GMEB1: variants seen among roughly 807,000 people sequenced by gnomAD.
The protein encoded by GMEB1 is glucocorticoid modulatory element-binding protein 1.
Under a neutral mutation model 52.4 loss-of-function variants are expected in GMEB1, and 6 were observed. The observed-to-expected ratio is 0.11, with a 90% CI of 0.06 to 0.23. GMEB1 has a LOEUF of 0.23. Among genes scored for constraint, GMEB1 ranks in the 10% least tolerant of loss-of-function variants. The pLI is 1.00. For missense variants in GMEB1, 486 were observed against 685.6 expected (o/e 0.71, Z 3.25); for synonymous variants, 255 against 244.9 (o/e 1.04, Z -0.38).
At chr1:28,675,505 C>G (rs940535597) in intron 1 of GMEB1, among the ~76,000 whole-genome samples, 1 of 151,580 alleles carries the variant, frequency 6.6e-6, no homozygotes, top group African/African-American at 2.4e-5. Flanking sequence ...CGTGGTGAAA[C>G]CCCGTCACTA....
chr1:28,709,478 G>A (rs1670944794), intron 8 of GMEB1, among the ~76,000 whole-genome samples: 1 of 151,942 alleles, frequency 6.6e-6, no homozygotes, highest in Non-Finnish European at 1.5e-5. Flanking sequence ...TGCACATATG[G>A]GAAATAGCAA....
At chr1:28,673,211 A>G (rs1668983464) in intron 1 of GMEB1, among the ~76,000 whole-genome samples, 1 of 147,136 alleles carries the variant, frequency 6.8e-6, no homozygotes, top group African/African-American at 2.5e-5. Flanking sequence ...CTCCTTTTTC[A>G]TTACTAGTTC....
chr1:28,701,339 G>C (rs1570423891), intron 6 of GMEB1, among the ~76,000 whole-genome samples: 1 of 145,946 alleles, frequency 6.9e-6, no homozygotes, highest in African/African-American at 2.6e-5. Context: ...GCGCGATCTC[G>C]GCTCACTGCA....
At chr1:28,691,825 T>TTTA in intron 4 of GMEB1, 116 bp downstream of exon 4, 1 of 197,626 alleles carries the variant, frequency 5.1e-6, no homozygotes, top group Non-Finnish European at 9.7e-6. Context: ...TATTTATTTA[T>TTTA]TTATTTATTT....
intron 2 of GMEB1, among the ~76,000 whole-genome samples, chr1:28,689,304 G>C (rs1026129120): frequency 6.6e-6 from 1 of 152,044 alleles, no homozygotes; most frequent in Non-Finnish European, 1.5e-5. Flanking sequence ...GGAATTACAG[G>C]TGTGAGCCAC....
chr1:28,673,525 G>A (rs1055840043), intron 1 of GMEB1, among the ~76,000 whole-genome samples: 3 of 152,104 alleles, frequency 2.0e-5, no homozygotes, highest in Admixed American at 6.6e-5. Flanking sequence ...AAAGTGCTGG[G>A]ATTACAGGCG....
At chr1:28,712,703 C>A (rs1473835682) in intron 9 of GMEB1, among the ~76,000 whole-genome samples, 1 of 152,050 alleles carries the variant, frequency 6.6e-6, no homozygotes, top group Non-Finnish European at 1.5e-5. Flanking sequence ...CCTGTAGTCC[C>A]ATCTACTCGG....
At position 28,716,350 on chromosome 1, in the gene GMEB1, G is replaced by A. The variant is rs1329242968; in HGVS notation, c.*1577G>A. On this transcript the variant is annotated 3_prime_UTR_variant, in exon 10 of 10. Coordinates refer to ENST00000373816, the MANE Select transcript of GMEB1 (RefSeq NM_001319674.2). ...AGCAGGGAGTTCCTCAATGAAACCAGCTGCCTTTTTTGGTGGGGCCATTTT... is the reference window on the plus strand; with the variant it reads ...AGCAGGGAGTTCCTCAATGAAACCAACTGCCTTTTTTGGTGGGGCCATTTT... 6.6e-6 allele frequency: 1 copy of A among 152,118 alleles called. No homozygotes were observed. Among genetic ancestry groups the A allele is most frequent in the Non-Finnish European group, 1.5e-5 (1 of 68,036 alleles). 9.4% of individuals were successfully genotyped at this position (152,118 alleles called of 1,614,324 possible).
At chr1:28,699,291 T>C (rs966025140) in intron 6 of GMEB1, among the ~76,000 whole-genome samples, 1 of 152,182 alleles carries the variant, frequency 6.6e-6, no homozygotes, top group African/African-American at 2.4e-5. Flanking sequence ...AGGATTTAGT[T>C]AGTCCAGCTG....
intron 1 of GMEB1, among the ~76,000 whole-genome samples, chr1:28,671,063 A>C (rs1310786914): frequency 2.0e-5 from 3 of 151,802 alleles, no homozygotes; most frequent in Non-Finnish European, 2.9e-5. Context: ...TTAGAATTTC[A>C]CCTCCTCTGG....
intron 1 of GMEB1, among the ~76,000 whole-genome samples, chr1:28,669,844 T>A (rs961827772): frequency 6.6e-6 from 1 of 152,026 alleles, no homozygotes; most frequent in African/African-American, 2.4e-5. Context: ...CCAGGTGTTA[T>A]CTAATTGAGG....
chr1:28,687,252 CT>C (rs1669687932), intron 2 of GMEB1, among the ~76,000 whole-genome samples: 1 of 149,580 alleles, frequency 6.7e-6, no homozygotes, highest in Non-Finnish European at 1.5e-5. Context: ...TGAAGGATTG[CT>C]TGAGTCAGGG....
Position 28,712,722 on chromosome 1 carries a change from G to A in GMEB1, c.992-1351G>A, listed in dbSNP as rs547990795. ...TAGTCCCATCTACTCGGGAGGCTGA[G>A]GCAGGAGAATCACTTGAACCAGGAG... On this transcript the variant is annotated intron_variant, in intron 9 of 9. Transcript: ENST00000373816. Among the ~76,000 whole-genome samples the A allele has an allele frequency of 7.9e-5, 12 of 152,238 alleles. No individual in the cohort carries two copies. In the South Asian group the frequency reaches 2.5e-3, roughly 32 times the overall value.
At position 28,702,450 on chromosome 1, in the gene GMEB1, A is replaced by T; in HGVS notation, c.611A>T (p.Gln204Leu). The change falls in exon 7 of 10, where the codon CAG becomes CTG. Residue 204 changes from glutamine (Q) to leucine (L), a missense_variant. Around this residue, in one of 5 missense-constraint regions of GMEB1, gnomAD observed 200 missense variants for 253.5 expected, o/e 0.79. Transcript: ENST00000373816. ...TPTSADGSIT[Q>L]IAISEESMEE... ...GGACTGTTTTTAGGTAGCATCACGC[A>T]GATTGCCATCTCAGAAGAGAGCATG... 6.2e-7 allele frequency: 1 copy of T among 1,613,668 alleles called. No individual in the cohort carries two copies. The highest frequency in any genetic ancestry group is 1.1e-5 in the South Asian group (1 of 91,074).
chr1:28,690,707 G>A (rs1012954736), intron 3 of GMEB1, among the ~76,000 whole-genome samples: 4 of 152,126 alleles, frequency 2.6e-5, no homozygotes, highest in African/African-American at 7.2e-5. Flanking sequence ...CTGGTCGAGC[G>A]CAGTGGCTCA....
At position 28,714,744 on chromosome 1, in the gene GMEB1, A is replaced by C. The variant is rs1309070241; in HGVS notation, c.1663A>C (p.Asn555His). ...EMEEHQHQVH[N>H]VEIVVLED The stretch of plus-strand genomic sequence containing the variant: ...GGAAGAACACCAGCATCAAGTTCAC[A>C]ATGTGGAGATTGTGGTCTTAGAGGA... The change falls in exon 10 of 10, where the codon AAT becomes CAT. Residue 555 changes from asparagine (N) to histidine (H), a missense_variant. Transcript: ENST00000373816. 6.2e-7 allele frequency: 1 copy of C among 1,613,688 alleles called. No individual in the cohort carries two copies. Among genetic ancestry groups the C allele is most frequent in the South Asian group, 1.1e-5 (1 of 91,066 alleles).
chr1:28,682,138 C>G (rs1669418739), intron 1 of GMEB1, among the ~76,000 whole-genome samples: 1 of 152,164 alleles, frequency 6.6e-6, no homozygotes, highest in African/African-American at 2.4e-5. Flanking sequence ...AAGTGACTCT[C>G]TCTTTTCAAC....
chr1:28,678,085 G>A lies in GMEB1; in HGVS notation c.-30-5498G>A, dbSNP rs192533600. Among the ~76,000 whole-genome samples, 355 of 151,862 alleles carry A rather than the reference G, an allele frequency of 2.3e-3. 2 individuals are homozygous for A. Among genetic ancestry groups the A allele is most frequent in the African/African-American group, 6.1e-3 (253 of 41,454 alleles). On this transcript the variant is annotated intron_variant, in intron 1 of 9. Coordinates refer to ENST00000373816, the MANE Select transcript of GMEB1 (RefSeq NM_001319674.2). The stretch of plus-strand genomic sequence containing the variant: ...TGTAATCCCAGCTACTCGGGAGGCT[G>A]AGGCAGGAGAATTGCTTGAACCCGA...
intron 5 of GMEB1, among the ~76,000 whole-genome samples, chr1:28,693,579 C>T (rs906952014): frequency 1.4e-4 from 20 of 143,670 alleles, no homozygotes; most frequent in African/African-American, 3.6e-4. Flanking sequence ...TGCAGTGGCG[C>T]GACCTCGGCT....
Sources: gnomAD v4.1 joint callset for allele counts (sites outside exome capture counted in the v4.1 genomes callset) on GRCh38, gnomAD v4.1.1 for gene constraint, gnomAD v4.1.1 regional missense constraint, MANE v1.5 for transcripts, NCBI Gene and HGNC (gene_info 2026-07-23, HGNC 2026-07-21) for gene names.